Variants in CNOT6 observed in about 807,000 individuals in gnomAD.
CNOT6 encodes the protein CCR4-NOT transcription complex subunit 6.
Under a neutral mutation model 61.2 loss-of-function variants are expected in CNOT6, and 12 were observed. The observed-to-expected ratio is 0.20, with a 90% CI of 0.13 to 0.32. CNOT6 has a LOEUF of 0.32. CNOT6 is among the 10% of genes least tolerant of loss of function. CNOT6 has a pLI of 1.00. For missense variants in CNOT6, 405 were observed against 663.9 expected, an observed-to-expected ratio of 0.61 and a Z score of 4.28; for synonymous variants, 225 against 240.6, an observed-to-expected ratio of 0.94 and a Z score of 0.60.
chr5:180,528,389 C>T (rs934862811), intron 1 of CNOT6, among the ~76,000 whole-genome samples: 1 of 152,188 alleles, frequency 6.6e-6, no homozygotes, highest in Non-Finnish European at 1.5e-5. Context: ...TGGCTCACTG[C>T]AAGCTCCACC....
At chr5:180,509,980 T>G (rs934886626) in intron 1 of CNOT6, among the ~76,000 whole-genome samples, 2 of 151,862 alleles carry the variant, frequency 1.3e-5, no homozygotes, top group Non-Finnish European at 2.9e-5. Flanking sequence ...AATGTGTAGT[T>G]ATGATTTAAG....
chr5:180,572,798 C>A (rs1205372229), intron 11 of CNOT6, among the ~76,000 whole-genome samples: 1 of 152,124 alleles, frequency 6.6e-6, no homozygotes, highest in African/African-American at 2.4e-5. Context: ...TCAAGCAATC[C>A]TCCTGCCTTA....
At chr5:180,567,662 A>G (rs186288613) in intron 8 of CNOT6, among the ~76,000 whole-genome samples, 187 bp from the exon 9 acceptor site, 17 of 152,364 alleles carry the variant, frequency 1.1e-4, no homozygotes, top group African/African-American at 2.4e-4. Context: ...ATTTGTATCA[A>G]TAACAGACTG....
chr5:180,496,574 A>AC (rs1421503185), intron 1 of CNOT6, among the ~76,000 whole-genome samples: 1 of 152,194 alleles, frequency 6.6e-6, no homozygotes, highest in Non-Finnish European at 1.5e-5. Context: ...ATGGTGGCTC[A>AC]CCGTGTAATC....
At chr5:180,502,192 C>T (rs17080355) in intron 1 of CNOT6, among the ~76,000 whole-genome samples, 4,327 of 152,232 alleles carry the variant, frequency 0.028, 208 homozygotes, top group African/African-American at 0.098. Context: ...TGTTTCCAAA[C>T]GTTCCCCTGA....
At chr5:180,515,629 ATTAAC>A (rs1757599009) in intron 1 of CNOT6, among the ~76,000 whole-genome samples, 2 of 152,106 alleles carry the variant, frequency 1.3e-5, no homozygotes, top group African/African-American at 4.8e-5. Context: ...GAGGGTCTGT[ATTAAC>A]TTCAGTGGAA....
chr5:180,499,691 C>G (rs1460047534), intron 1 of CNOT6, among the ~76,000 whole-genome samples: 1 of 152,166 alleles, frequency 6.6e-6, no homozygotes, highest in Non-Finnish European at 1.5e-5. Context: ...AATGATAGAA[C>G]AGTTTTACAC....
chr5:180,547,812 C>T (rs1759390826), intron 2 of CNOT6, among the ~76,000 whole-genome samples: 1 of 152,182 alleles, frequency 6.6e-6, no homozygotes, highest in African/African-American at 2.4e-5. Flanking sequence ...CAGCCCACTG[C>T]AACCGCCACC....
chr5:180,539,677 C>T (rs1418343982), intron 2 of CNOT6, among the ~76,000 whole-genome samples: 1 of 142,248 alleles, frequency 7.0e-6, no homozygotes, highest in African/African-American at 2.6e-5. Context: ...GCAAGCTCTG[C>T]CTCCCAGGTT....
intron 7 of CNOT6, 36 bp downstream of exon 7, chr5:180,566,013 T>A: frequency 6.4e-7 from 1 of 1,569,520 alleles, no homozygotes; most frequent in South Asian, 1.2e-5. Flanking sequence ...CTAGCATTGA[T>A]AAAGGAAGGA....
chr5:180,500,331 C>T (rs2127689518), intron 1 of CNOT6, among the ~76,000 whole-genome samples: 1 of 152,206 alleles, frequency 6.6e-6, no homozygotes, highest in Middle Eastern at 3.4e-3. Flanking sequence ...GGTTTGGTCT[C>T]ACACTCCTGG....
intron 1 of CNOT6, among the ~76,000 whole-genome samples, chr5:180,501,713 AG>A (rs1358148687): frequency 1.3e-5 from 2 of 152,272 alleles, no homozygotes; most frequent in Admixed American, 6.5e-5. Flanking sequence ...GAGAGGACTA[AG>A]GGAACCCTAA....
At chr5:180,515,395 C>T (rs2453179) in intron 1 of CNOT6, among the ~76,000 whole-genome samples, 37,401 of 152,066 alleles carry the variant, frequency 0.25, 5,308 homozygotes, top group East Asian at 0.49. Context: ...ACTAGGTTTC[C>T]TCTAATTAGG....
intron 2 of CNOT6, among the ~76,000 whole-genome samples, chr5:180,548,975 A>G (rs1759451602): frequency 6.6e-6 from 1 of 152,240 alleles, no homozygotes; most frequent in African/African-American, 2.4e-5. Context: ...TTACTGTTGC[A>G]TTGAAAGGTT....
intron 1 of CNOT6, among the ~76,000 whole-genome samples, chr5:180,513,673 TTTTATTTATTTA>T (rs137914888): frequency 0.26 from 38,174 of 146,456 alleles, 5,553 homozygotes; most frequent in Middle Eastern, 0.4. Flanking sequence ...TGCCTGGCCC[TTTTATTTATTTA>T]TTTATTTATT....
chr5:180,525,556 G>A (rs1001340128), intron 1 of CNOT6, among the ~76,000 whole-genome samples: 6 of 149,938 alleles, frequency 4.0e-5, no homozygotes, highest in African/African-American at 7.4e-5. Flanking sequence ...AAAAAAAAAA[G>A]TAGTTCTATT....
chr5:180,529,836 A>G (rs1053392900), intron 2 of CNOT6, among the ~76,000 whole-genome samples: 1 of 152,186 alleles, frequency 6.6e-6, no homozygotes, highest in African/African-American at 2.4e-5. Context: ...TATTTTCTTC[A>G]TTGGCTTCTG....
intron 4 of CNOT6, among the ~76,000 whole-genome samples, chr5:180,555,866 T>C (rs1040689715): frequency 6.6e-6 from 1 of 152,216 alleles, no homozygotes; most frequent in African/African-American, 2.4e-5. Flanking sequence ...TTCTTTGAAG[T>C]TGTTGCAGAA....
At chr5:180,497,293 C>G (rs773145154) in intron 1 of CNOT6, among the ~76,000 whole-genome samples, 4 of 142,146 alleles carry the variant, frequency 2.8e-5, no homozygotes, top group Non-Finnish European at 3.0e-5. Context: ...CGCCACTGCA[C>G]TTCACCCTGG....
Sources: allele counts gnomAD v4.1 joint callset (sites outside exome capture counted in the v4.1 genomes callset), GRCh38; gene constraint gnomAD v4.1.1; transcripts MANE v1.5; gene names NCBI Gene and HGNC (gene_info 2026-07-23, HGNC 2026-07-21).